The following MASP1 variants were observed in gnomAD, a reference collection of about 807,000 sequenced individuals.
MASP1 encodes mannan-binding lectin serine protease 1.
Under a neutral mutation model 77.1 loss-of-function variants are expected in MASP1, and 59 were observed. That is an observed-to-expected ratio of 0.77 (90% CI 0.62 to 0.95). The LOEUF (loss-of-function observed/expected upper bound fraction) is 0.95. MASP1 is among the 40% of genes least tolerant of loss of function. The probability of loss-of-function intolerance (pLI) is 0.00; values close to 1 mark genes in which losing one functional copy is unlikely to be tolerated. For synonymous variants in MASP1, 362 were observed against 354.5 expected (o/e 1.02, Z -0.24); for missense variants, 885 against 912.9 (o/e 0.97, Z 0.39).
At chr3:187,255,482 C>A (rs1454951281) in intron 5 of MASP1, among the ~76,000 whole-genome samples, 2 of 152,158 alleles carry the variant, frequency 1.3e-5, no homozygotes, top group African/African-American at 4.8e-5. Flanking sequence ...AACAAAGAAC[C>A]CCATTGTGCT....
In MASP1 at chr3:187,234,464, A is replaced by C. The variant is rs1056493266; in HGVS notation, c.*1220T>G. The stretch of plus-strand genomic sequence containing the variant: ...GCCTGTTGCTGACGGAGAACCAGAG[A>C]CTCAGACAAAGAAAATGATTTTTCA... On this transcript the variant is annotated 3_prime_UTR_variant, in exon 11 of 11. Coordinates refer to ENST00000296280, the MANE Select transcript of MASP1 (RefSeq NM_139125.4). The C allele has an allele frequency of 6.2e-6, 8 of 1,285,296 alleles. No individual in the cohort carries two copies. In the Admixed American group the frequency reaches 1.4e-4, roughly 22 times the overall value. The allele number at this position is 1,285,296 out of a possible 1,614,324, so 79.6% of individuals were successfully genotyped here. A position where few individuals can be genotyped will look rare whatever the true frequency, so the allele number is the denominator to read the frequency against.
In MASP1 at chr3:187,265,815, A is replaced by C. The variant is rs545002033; in HGVS notation, c.238-3095T>G. 3.9e-5 allele frequency among the ~76,000 whole-genome samples: 6 copies of C among 152,336 alleles called. No homozygotes were observed. In the East Asian group the frequency reaches 1.2e-3, roughly 29 times the overall value. Reference sequence around the variant, plus strand: ...GACTAAAGACACAGACACTTGGCCAAACAATTTTCCTGGCTCAAAGGCCTC... The same window carrying C: ...GACTAAAGACACAGACACTTGGCCACACAATTTTCCTGGCTCAAAGGCCTC... On this transcript the variant is annotated intron_variant, in intron 2 of 10. Transcript: ENST00000296280.
intron 6 of MASP1, among the ~76,000 whole-genome samples, chr3:187,252,518 C>T (rs1388024937): frequency 2.6e-5 from 4 of 152,176 alleles, no homozygotes; most frequent in Admixed American, 6.5e-5. Flanking sequence ...TCTACTCTCC[C>T]GCATCTGAGC....
rs564810963 is a variant in MASP1 at position 187,261,869 on chromosome 3, A to G, written c.415+674T>C. 3.9e-5 allele frequency among the ~76,000 whole-genome samples: 6 copies of G among 152,354 alleles called. No individual in the cohort carries two copies. The East Asian group carries it at 1.2e-3, about 29-fold the overall frequency. ...AGTAAACATACTTTAGTATATTCAT[A>G]CAATGGAAAATTACTCTGCCAGGAA... On this transcript the variant is annotated intron_variant, in intron 3 of 10. Coordinates refer to ENST00000296280, the MANE Select transcript of MASP1 (RefSeq NM_139125.4).
At chr3:187,231,466 G>A (rs1411909363), downstream of MASP1, among the ~76,000 whole-genome samples, 1 of 152,176 alleles carries the variant, frequency 6.6e-6, no homozygotes, top group Non-Finnish European at 1.5e-5. Flanking sequence ...GCCGGATTCA[G>A]AAGAAGAAAG....
At chr3:187,255,429 G>A (rs900277733) in intron 5 of MASP1, among the ~76,000 whole-genome samples, 2 of 152,192 alleles carry the variant, frequency 1.3e-5, no homozygotes, top group African/African-American at 4.8e-5. Flanking sequence ...CTAGATAAGA[G>A]CTCCATCAGC....
At chr3:187,282,317 T>C (rs2108604315) in intron 2 of MASP1, among the ~76,000 whole-genome samples, 1 of 151,900 alleles carries the variant, frequency 6.6e-6, no homozygotes, top group Non-Finnish European at 1.5e-5. Context: ...GCCAACATGG[T>C]GAAACCCCGT....
At chr3:187,231,448 C>T (rs950125539), downstream of MASP1, among the ~76,000 whole-genome samples, 1 of 152,200 alleles carries the variant, frequency 6.6e-6, no homozygotes, top group Admixed American at 6.5e-5. Flanking sequence ...TCTTCCTCCC[C>T]CTTTGGAGCC....
chr3:187,247,220 A>G lies in MASP1; in HGVS notation c.1090+3031T>C, dbSNP rs533203765. The G allele has an allele frequency of 1.1e-4, 177 of 1,577,100 alleles. 1 individual carries two copies. The East Asian group carries it at 3.3e-3, about 29-fold the overall frequency. ...TTGTTCAGCACCCATTCTAATCCAC[A>G]TGGAAAGGGGCACGGGGGTGTTGTG... On this transcript the variant is annotated intron_variant, in intron 8 of 10. Coordinates refer to ENST00000296280, the MANE Select transcript of MASP1 (RefSeq NM_139125.4).
downstream of MASP1, chr3:187,229,844 G>C: frequency 6.2e-7 from 1 of 1,614,100 alleles, no homozygotes; most frequent in Non-Finnish European, 8.5e-7. Context: ...TGGGCTGGGC[G>C]TCCATTGAAG....
rs1220451193 is a variant in MASP1 at position 187,285,714 on chromosome 3, T to C, written c.237+111A>G. 26 of 832,970 alleles carry C rather than the reference T, an allele frequency of 3.1e-5. 1 individual carries two copies. The highest frequency in any genetic ancestry group is 5.4e-4 in the Middle Eastern group (2 of 3,736). The allele number at this position is 832,970 out of a possible 1,614,324, so 51.6% of individuals were successfully genotyped here. A position where few individuals can be genotyped will look rare whatever the true frequency, so the allele number is the denominator to read the frequency against. ...TTGACCTGAATTCATACCATTGTGATGTTGTGTGTCTCTCTTACTATATGC... is the reference window on the plus strand; with the variant it reads ...TTGACCTGAATTCATACCATTGTGACGTTGTGTGTCTCTCTTACTATATGC... On this transcript the variant is annotated intron_variant, in intron 2 of 10. Transcript: ENST00000296280.
chr3:187,251,575 G>T, intron 7 of MASP1, 59 bp downstream of exon 7: 3 of 1,370,906 alleles, frequency 2.2e-6, no homozygotes, highest in Non-Finnish European at 3.1e-6. Flanking sequence ...CTGGGGAGGG[G>T]CAGGTTTCGA....
intron 12 of MASP1, chr3:187,225,534 G>T: frequency 2.5e-6 from 4 of 1,612,446 alleles, no homozygotes; most frequent in South Asian, 2.2e-5. Flanking sequence ...GACATGTGAG[G>T]CATGGGTGCA....
In MASP1 at chr3:187,285,737, T is replaced by C. The variant is rs1046812603; in HGVS notation, c.237+88A>G. On this transcript the variant is annotated intron_variant, in intron 2 of 10. Transcript: ENST00000296280. ...GATGTTGTGTGTCTCTCTTACTATA[T>C]GCCACCCTGGAAGGGTCTAATTTCA... 3.1e-5 allele frequency: 33 copies of C among 1,049,184 alleles called. No individual in the cohort carries two copies. In the East Asian group the frequency reaches 5.8e-4, roughly 18 times the overall value. 65.0% of individuals were successfully genotyped at this position (1,049,184 alleles called of 1,614,324 possible). A position where few individuals can be genotyped will look rare whatever the true frequency, so the allele number is the denominator to read the frequency against.
In MASP1 at chr3:187,264,093, C is replaced by T. The variant is rs552523472; in HGVS notation, c.238-1373G>A. Among the ~76,000 whole-genome samples, 6 of 152,214 alleles carry T rather than the reference C, an allele frequency of 3.9e-5. No homozygotes were observed. The East Asian group carries it at 7.7e-4, about 20-fold the overall frequency. ...CTTCTAATGAATTCATTGTTTTGTT[C>T]GTTAGCTTAGCATGTCAGAAATATC... On this transcript the variant is annotated intron_variant, in intron 2 of 10. Coordinates refer to ENST00000296280, the MANE Select transcript of MASP1 (RefSeq NM_139125.4).
chr3:187,220,009 G>T, exon 16 of MASP1: 1 of 1,564,752 alleles, frequency 6.4e-7, no homozygotes, highest in South Asian at 1.1e-5. Flanking sequence ...TGCTTTCATC[G>T]GAGGATCGTC....
chr3:187,286,535 T>C (rs1325571722), intron 1 of MASP1, among the ~76,000 whole-genome samples: 1 of 152,350 alleles, frequency 6.6e-6, no homozygotes, highest in South Asian at 2.1e-4. Flanking sequence ...AGTCAAAGTA[T>C]GCAAAATCTT....
intron 4 of MASP1, among the ~76,000 whole-genome samples, chr3:187,258,232 G>A (rs698095): frequency 0.22 from 32,756 of 152,192 alleles, 3,882 homozygotes; most frequent in African/African-American, 0.32. Context: ...AGCCATAACT[G>A]TAGCTTTGAA....
rs958509359 is a variant in MASP1, at chr3:187,234,880, G to A, written c.*804C>T. On this transcript the variant is annotated 3_prime_UTR_variant, in exon 11 of 11. Transcript: ENST00000296280. ...TTTGTGCTTGTCTGGAGCAGCAGGT[G>A]TGGACGCCCATGGTGTCAGCTGGTG... 9.3e-6 allele frequency: 12 copies of A among 1,287,232 alleles called. No homozygotes were observed. The highest frequency in any genetic ancestry group is 7.6e-5 in the African/African-American group (5 of 65,926). The allele number at this position is 1,287,232 out of a possible 1,614,324, so 79.7% of individuals were successfully genotyped here.
Sources: allele counts gnomAD v4.1 joint callset (sites outside exome capture counted in the v4.1 genomes callset), GRCh38; gene constraint gnomAD v4.1.1; transcripts MANE v1.5; gene names NCBI Gene and HGNC (gene_info 2026-07-23, HGNC 2026-07-21).